Variants in SEC14L3 observed in about 807,000 individuals in gnomAD.
SEC14L3 encodes SEC14 like lipid binding 3.
In SEC14L3, 56 loss-of-function variants were observed where a neutral mutation model predicts 57.4. The ratio of observed to expected loss-of-function variants is 0.97; its 90% CI spans 0.79 to 1.22. SEC14L3 has a LOEUF of 1.22. SEC14L3 is among the 50% of genes most tolerant of loss of function. SEC14L3 has a pLI of 0.00. For missense variants in SEC14L3, 485 were observed against 511.7 expected (o/e 0.95, Z 0.50); for synonymous variants, 173 against 194.4 (o/e 0.89, Z 0.92).
Position 30,468,577 on chromosome 22 carries a change from C to T in SEC14L3, c.354G>A (p.Gln118=). The T allele has an allele frequency of 1.2e-6, 2 of 1,613,992 alleles. No homozygotes were observed. Among genetic ancestry groups the T allele is most frequent in the Non-Finnish European group, 1.7e-6 (2 of 1,180,016 alleles). The change falls in exon 5 of 12, where the codon CAG becomes CAA. Residue 118 remains glutamine, a synonymous_variant. Coordinates refer to ENST00000215812, the MANE Select transcript of SEC14L3 (RefSeq NM_174975.5). The stretch of plus-strand genomic sequence containing the variant: ...CCCTCATCTTGGTCTTGAGCAGGTC[C>T]TGCTTGGTGACTGAGAAGAGCAACC... ...PKGLLFSVTK[Q]DLLKTKMRDC... is the part of the protein sequence containing the mutation.
At chr22:30,469,042 G>T (rs1260375427) in intron 4 of SEC14L3, 4 of 1,188,232 alleles carry the variant, frequency 3.4e-6, no homozygotes, top group Non-Finnish European at 4.4e-6. Flanking sequence ...CACTGGCTGG[G>T]CATGGAGGCT....
intron 4 of SEC14L3, chr22:30,468,910 A>G (rs5753162): frequency 6.6e-7 from 1 of 1,506,722 alleles, no homozygotes; most frequent in Non-Finnish European, 8.9e-7. Context: ...AGGTCTCAGC[A>G]GGCCCTTGGA....
intron 11 of SEC14L3, 67 bp downstream of exon 11, chr22:30,461,243 C>T: frequency 6.6e-7 from 1 of 1,518,882 alleles, no homozygotes; most frequent in Non-Finnish European, 8.8e-7. Flanking sequence ...CCTCTGTTTC[C>T]TTCTCTAAAG....
At chr22:30,450,976 G>A (rs977709680) in intron 12 of SEC14L3, among the ~76,000 whole-genome samples, 43 of 152,250 alleles carry the variant, frequency 2.8e-4, no homozygotes, top group Admixed American at 8.5e-4. Context: ...CCCCTTGCCC[G>A]GGCAGAATGT....
At chr22:30,468,746 A>C in intron 4 of SEC14L3, 50 bp from the exon 5 acceptor site, 1 of 1,613,832 alleles carries the variant, frequency 6.2e-7, no homozygotes, top group South Asian at 1.1e-5. Context: ...CTCCCTTGAG[A>C]CCCCAGACCA....
chr22:30,470,608 T>A (rs1250968756), intron 1 of SEC14L3, 26 bp from the exon 2 acceptor site: 1 of 1,614,062 alleles, frequency 6.2e-7, no homozygotes, highest in Admixed American at 1.7e-5. Context: ...CTGGTTAAAG[T>A]GGCTCTCTCA....
intron 12 of SEC14L3, among the ~76,000 whole-genome samples, chr22:30,450,452 GC>G (rs1934959714): frequency 6.6e-6 from 1 of 152,044 alleles, no homozygotes; most frequent in Non-Finnish European, 1.5e-5. Context: ...ACAAGTGCGT[GC>G]CACCTTGCCC....
At chr22:30,455,073 T>TTA (rs1935085812), downstream of SEC14L3, among the ~76,000 whole-genome samples, 4 of 72,296 alleles carry the variant, frequency 5.5e-5, no homozygotes, top group African/African-American at 2.6e-4. Context: ...ATATAATATA[T>TTA]AATATATTAA....
chr22:30,455,924 G>A (rs1935111562), downstream of SEC14L3, among the ~76,000 whole-genome samples: 1 of 152,304 alleles, frequency 6.6e-6, no homozygotes, highest in South Asian at 2.1e-4. Context: ...ACACAATGGG[G>A]GGCCTGCAGG....
downstream of SEC14L3, among the ~76,000 whole-genome samples, chr22:30,457,170 C>G (rs1456818526): frequency 6.6e-6 from 1 of 152,114 alleles, no homozygotes; most frequent in Non-Finnish European, 1.5e-5. Context: ...AAGCCATCCT[C>G]TCCCAAGGAT....
intron 10 of SEC14L3, 33 bp downstream of exon 10, chr22:30,461,522 A>G (rs867931072): frequency 1.2e-6 from 2 of 1,613,710 alleles, no homozygotes; most frequent in Non-Finnish European, 1.7e-6. Context: ...GCTCAGCCTG[A>G]TGGGTCTCTG....
downstream of SEC14L3, among the ~76,000 whole-genome samples, chr22:30,455,189 T>TATATTATATTTAATATTTA (rs1935097370): frequency 8.2e-6 from 1 of 122,476 alleles, no homozygotes; most frequent in Non-Finnish European, 1.6e-5. Flanking sequence ...TAATATTTAA[T>TATATTATATTTAATATTTA]ATATAATATA....
At chr22:30,460,828 C>CAAAAAAAAAA (rs747778887) in intron 11 of SEC14L3, among the ~76,000 whole-genome samples, 1 of 104,424 alleles carries the variant, frequency 9.6e-6, no homozygotes, top group African/African-American at 3.7e-5. Context: ...AACTCTGTCT[C>CAAAAAAAAAA]AAAAAAAAAA....
downstream of SEC14L3, among the ~76,000 whole-genome samples, chr22:30,455,102 ATT>A (rs1569225623): frequency 4.5e-5 from 2 of 44,656 alleles, no homozygotes; most frequent in Admixed American, 3.9e-4. Flanking sequence ...TATATAATAT[ATT>A]TAATATTTAA....
chr22:30,451,599 C>G (rs939025128), intron 12 of SEC14L3, among the ~76,000 whole-genome samples: 2 of 152,076 alleles, frequency 1.3e-5, no homozygotes, highest in Non-Finnish European at 2.9e-5. Context: ...GAGTAAGAAA[C>G]CAGTAACAGA....
chr22:30,471,223 T>C, intron 1 of SEC14L3: 1 of 440,054 alleles, frequency 2.3e-6, no homozygotes, highest in Non-Finnish European at 4.5e-6. Flanking sequence ...AGACAGAGGC[T>C]GCAGTGAGCT....
downstream of SEC14L3, among the ~76,000 whole-genome samples, chr22:30,454,962 TAGA>T: frequency 5.1e-5 from 3 of 58,790 alleles, no homozygotes; most frequent in African/African-American, 7.6e-5. Context: ...TATCATATAA[TAGA>T]TATATAATAT....
chr22:30,450,921 C>A (rs1036772528), intron 12 of SEC14L3, among the ~76,000 whole-genome samples: 1 of 152,208 alleles, frequency 6.6e-6, no homozygotes, highest in African/African-American at 2.4e-5. Context: ...TGCTGCTGCA[C>A]AGAGCAGAGA....
intron 6 of SEC14L3, 33 bp downstream of exon 6, chr22:30,466,949 C>A: frequency 6.3e-7 from 1 of 1,590,588 alleles, no homozygotes; most frequent in Non-Finnish European, 8.6e-7. Context: ...GTCATCAAAG[C>A]AAGCGGGGGG....
Sources: gnomAD v4.1 joint callset for allele counts (sites outside exome capture counted in the v4.1 genomes callset) on GRCh38, gnomAD v4.1.1 for gene constraint, MANE v1.5 for transcripts, NCBI Gene and HGNC (gene_info 2026-07-23, HGNC 2026-07-21) for gene names.